Variants in SNX7 observed in about 807,000 individuals in gnomAD.
SNX7 encodes the protein sorting nexin-7.
SNX7 carries 35 observed loss-of-function variants against 48.4 expected under a neutral mutation model. That is an observed-to-expected ratio of 0.72 (90% CI 0.55 to 0.96). The LOEUF (loss-of-function observed/expected upper bound fraction) is 0.96. SNX7 is among the 40% of genes least tolerant of loss of function. SNX7 has a pLI of 0.00. For synonymous variants in SNX7, 190 were observed against 190.2 expected (o/e 1.00, Z 0.01); for missense variants, 553 against 548.9 (o/e 1.01, Z -0.07).
At chr1:98,703,734 A>T (rs1651874840) in intron 7 of SNX7, among the ~76,000 whole-genome samples, 1 of 151,992 alleles carries the variant, frequency 6.6e-6, no homozygotes, top group African/African-American at 2.4e-5. Flanking sequence ...ATAGAGAGAG[A>T]GTTAAGAGTC....
At chr1:98,724,108 C>T (rs947380597) in intron 7 of SNX7, among the ~76,000 whole-genome samples, 5 of 152,026 alleles carry the variant, frequency 3.3e-5, no homozygotes, top group African/African-American at 1.2e-4. Context: ...TGGGGCAGTT[C>T]TTACTCCTAT....
At chr1:98,668,284 C>A (rs1181675411) in intron 1 of SNX7, among the ~76,000 whole-genome samples, 1 of 152,142 alleles carries the variant, frequency 6.6e-6, no homozygotes, top group Non-Finnish European at 1.5e-5. Flanking sequence ...AATTTAAACA[C>A]CATATTTTCA....
At chr1:98,703,642 T>C (rs9442147) in intron 7 of SNX7, among the ~76,000 whole-genome samples, 135,250 of 151,774 alleles carry the variant, frequency 0.89, 61,055 homozygotes, top group Non-Finnish European at 0.96. Flanking sequence ...CTAACACTCT[T>C]TCTATATATA....
At chr1:98,754,224 A>G (rs1401999987) in intron 8 of SNX7, among the ~76,000 whole-genome samples, 3 of 152,116 alleles carry the variant, frequency 2.0e-5, no homozygotes, top group African/African-American at 7.2e-5. Flanking sequence ...CCATTTGGTT[A>G]TGATGCATAA....
chr1:98,750,432 G>A (rs926876492), intron 8 of SNX7, among the ~76,000 whole-genome samples: 1 of 151,988 alleles, frequency 6.6e-6, no homozygotes, highest in African/African-American at 2.4e-5. Context: ...CCATAGATTT[G>A]TTTGGGTGTT....
intron 8 of SNX7, among the ~76,000 whole-genome samples, chr1:98,753,718 T>C (rs1416570681): frequency 6.6e-6 from 1 of 152,200 alleles, no homozygotes; most frequent in East Asian, 1.9e-4. Flanking sequence ...AGCGGTCTAG[T>C]AGAAAGATGG....
At chr1:98,731,516 A>G (rs538978706) in intron 7 of SNX7, among the ~76,000 whole-genome samples, 119 of 152,228 alleles carry the variant, frequency 7.8e-4, no homozygotes, top group African/African-American at 2.6e-3. Context: ...CCATAACTCA[A>G]TTACTATACA....
intron 8 of SNX7, among the ~76,000 whole-genome samples, chr1:98,758,019 T>G (rs1654936756): frequency 6.6e-6 from 1 of 152,090 alleles, no homozygotes; most frequent in African/African-American, 2.4e-5. Flanking sequence ...GACCCTATAC[T>G]TGATTATATT....
Position 98,698,864 on chromosome 1 carries a change from C to A in SNX7, c.997C>A (p.Pro333Thr). 1.2e-6 allele frequency: 2 copies of A among 1,613,768 alleles called. No homozygotes were observed. Among genetic ancestry groups the A allele is most frequent in the Non-Finnish European group, 1.7e-6 (2 of 1,179,752 alleles). ...GTCTGGACTCTCAGAGGCCCTGCTT[C>A]CTGTTGTACATGAGTACGTGCTTTA... ...RMSGLSEALL[P>T]VVHEYVLYSE... is the part of the protein sequence containing the mutation. The change falls in exon 6 of 9, where the codon CCT becomes ACT. Residue 333 changes from proline (P) to threonine (T), a missense_variant. Physicochemically the swap from Pro to Thr is conservative, Grantham distance 38. Coordinates refer to ENST00000306121, the MANE Select transcript of SNX7 (RefSeq NM_015976.5).
intron 1 of SNX7, among the ~76,000 whole-genome samples, chr1:98,667,982 A>G (rs1218528946): frequency 6.6e-6 from 1 of 152,100 alleles, no homozygotes; most frequent in Non-Finnish European, 1.5e-5. Flanking sequence ...ATCCAGGACT[A>G]CTTATATTTC....
chr1:98,668,743 A>G (rs1649679335), intron 1 of SNX7, among the ~76,000 whole-genome samples: 1 of 152,236 alleles, frequency 6.6e-6, no homozygotes, highest in Admixed American at 6.5e-5. Context: ...ATCTAGGTGG[A>G]TTAAATGTTT....
chr1:98,701,554 A>G (rs775860494), intron 6 of SNX7, among the ~76,000 whole-genome samples: 7 of 152,084 alleles, frequency 4.6e-5, no homozygotes, highest in Non-Finnish European at 1.0e-4. Context: ...GTACATATGT[A>G]CAATGCTTAA....
At chr1:98,662,081 C>A in intron 1 of SNX7, 170 bp downstream of exon 1, 1 of 628,458 alleles carries the variant, frequency 1.6e-6, no homozygotes, top group Non-Finnish European at 2.3e-6. Context: ...GCTCTGGCCG[C>A]ACCCGGGGCC....
intron 7 of SNX7, among the ~76,000 whole-genome samples, chr1:98,723,281 T>C (rs1652982188): frequency 6.6e-6 from 1 of 152,072 alleles, no homozygotes; most frequent in Non-Finnish European, 1.5e-5. Context: ...AGACTTAAAA[T>C]AGATGATTTG....
chr1:98,723,868 A>G (rs1653023047), intron 7 of SNX7, among the ~76,000 whole-genome samples: 2 of 152,166 alleles, frequency 1.3e-5, no homozygotes, highest in Non-Finnish European at 2.9e-5. Context: ...CTCAAAAAAA[A>G]AAGAAAGAAA....
intron 7 of SNX7, among the ~76,000 whole-genome samples, chr1:98,718,379 A>G (rs1271063656): frequency 6.6e-6 from 1 of 152,086 alleles, no homozygotes; most frequent in Non-Finnish European, 1.5e-5. Context: ...ATCAGGAAAA[A>G]GGAACTCAGA....
chr1:98,711,009 T>C (rs1652271690), intron 7 of SNX7, among the ~76,000 whole-genome samples: 2 of 152,142 alleles, frequency 1.3e-5, no homozygotes, highest in Non-Finnish European at 2.9e-5. Flanking sequence ...TAAAACATTA[T>C]TTAAAGTATA....
At chr1:98,757,264 A>G (rs1040271769) in intron 8 of SNX7, among the ~76,000 whole-genome samples, 3 of 152,086 alleles carry the variant, frequency 2.0e-5, no homozygotes, top group African/African-American at 7.2e-5. Flanking sequence ...TACAGATGCC[A>G]TAACAAAATT....
intron 7 of SNX7, among the ~76,000 whole-genome samples, chr1:98,704,338 A>G (rs1651909993): frequency 6.6e-6 from 1 of 152,236 alleles, no homozygotes; most frequent in Admixed American, 6.5e-5. Flanking sequence ...CACATTTAAC[A>G]GAGAGATTGC....
Sources: gnomAD v4.1 joint callset for allele counts (sites outside exome capture counted in the v4.1 genomes callset) on GRCh38, gnomAD v4.1.1 for gene constraint, MANE v1.5 for transcripts, NCBI Gene and HGNC (gene_info 2026-07-23, HGNC 2026-07-21) for gene names.